The following SHTN1 variants were observed in gnomAD, a reference collection of about 807,000 sequenced individuals.
The protein encoded by SHTN1 is shootin 1.
A neutral mutation model predicts 83.1 loss-of-function variants in SHTN1; 42 were observed. The ratio of observed to expected loss-of-function variants is 0.51; its 90% CI spans 0.39 to 0.65. SHTN1 has a LOEUF of 0.65. SHTN1 is among the 30% of genes least tolerant of loss of function. The pLI is 0.00. For synonymous variants in SHTN1, 224 were observed against 247.7 expected (o/e 0.90, Z 0.90); for missense variants, 622 against 737.8 (o/e 0.84, Z 1.82).
At chr10:116,906,878 T>C (rs1847990511) in intron 14 of SHTN1, 131 bp from the exon 15 acceptor site, 6 of 726,714 alleles carry the variant, frequency 8.3e-6, no homozygotes, top group Non-Finnish European at 1.2e-5. Context: ...ATTTGCTATA[T>C]ATTAATATTT....
At chr10:116,955,830 C>T (rs1035174632) in intron 4 of SHTN1, among the ~76,000 whole-genome samples, 1 of 152,190 alleles carries the variant, frequency 6.6e-6, no homozygotes, top group African/African-American at 2.4e-5. Context: ...AGACACAACC[C>T]TTTATCCTCA....
At chr10:116,920,733 C>A (rs1393420097) in intron 12 of SHTN1, among the ~76,000 whole-genome samples, 1 of 152,118 alleles carries the variant, frequency 6.6e-6, no homozygotes, top group African/African-American at 2.4e-5. Flanking sequence ...TATTAGACCT[C>A]CTCTCTTGGA....
chr10:116,927,434 G>A (rs1057238662), intron 11 of SHTN1, among the ~76,000 whole-genome samples: 2 of 152,130 alleles, frequency 1.3e-5, no homozygotes, highest in African/African-American at 4.8e-5. Context: ...CACAATCATG[G>A]CGGAAGGCAA....
intron 1 of SHTN1, among the ~76,000 whole-genome samples, chr10:117,070,277 G>A (rs1255407151): frequency 2.0e-5 from 3 of 152,072 alleles, no homozygotes; most frequent in Non-Finnish European, 2.9e-5. Context: ...GTGGAGTGGG[G>A]AGTTCTTGTT....
intron 1 of SHTN1, among the ~76,000 whole-genome samples, chr10:117,087,258 T>C (rs772768315): frequency 6.6e-5 from 10 of 152,222 alleles, no homozygotes; most frequent in Non-Finnish European, 1.0e-4. Flanking sequence ...ACTTTAAAAA[T>C]GGTTGAAATG....
intron 1 of SHTN1, among the ~76,000 whole-genome samples, chr10:117,122,124 A>T (rs1564966159): frequency 3.3e-5 from 5 of 152,174 alleles, no homozygotes; most frequent in African/African-American, 1.2e-4. Flanking sequence ...TATGTAAATA[A>T]TTGTTGTACT....
intron 8 of SHTN1, among the ~76,000 whole-genome samples, chr10:116,944,358 C>T (rs962573762): frequency 6.6e-5 from 10 of 152,090 alleles, no homozygotes; most frequent in African/African-American, 2.4e-4. Context: ...GTATTATTGT[C>T]CATTTTACAG....
intron 1 of SHTN1, among the ~76,000 whole-genome samples, chr10:116,987,203 TAAAAC>T (rs1408368066): frequency 3.3e-5 from 5 of 151,826 alleles, no homozygotes; most frequent in Admixed American, 1.3e-4. Flanking sequence ...AAGAGGTAAA[TAAAAC>T]AAAACTGAGA....
intron 1 of SHTN1, among the ~76,000 whole-genome samples, chr10:117,049,963 G>C (rs921930513): frequency 6.6e-6 from 1 of 152,060 alleles, no homozygotes; most frequent in African/African-American, 2.4e-5. Context: ...AATAGAAAAA[G>C]AAGGGCAAAT....
At chr10:116,990,423 G>A (rs2133510416) in intron 1 of SHTN1, among the ~76,000 whole-genome samples, 1 of 151,702 alleles carries the variant, frequency 6.6e-6, no homozygotes, top group Non-Finnish European at 1.5e-5. Flanking sequence ...TTCTCCCAGG[G>A]GGCACGAATT....
intron 9 of SHTN1, 69 bp from the exon 10 acceptor site, chr10:116,930,071 G>A (rs952211825): frequency 4.0e-5 from 43 of 1,080,332 alleles, no homozygotes; most frequent in Non-Finnish European, 5.4e-5. Flanking sequence ...AAAAGAAAGG[G>A]AAAAAATAAA....
intron 7 of SHTN1, among the ~76,000 whole-genome samples, chr10:116,946,398 TA>T (rs1322781644): frequency 2.7e-5 from 4 of 146,730 alleles, no homozygotes; most frequent in African/African-American, 9.9e-5. Flanking sequence ...TTTTTATGTA[TA>T]AAAATATATG....
intron 3 of SHTN1, among the ~76,000 whole-genome samples, chr10:116,967,999 T>C (rs1850461374): frequency 6.6e-6 from 1 of 152,096 alleles, no homozygotes; most frequent in Admixed American, 6.6e-5. Flanking sequence ...CTGGCCAATA[T>C]GGTGAAACCC....
At chr10:116,998,909 CAT>C (rs201858115) in intron 1 of SHTN1, among the ~76,000 whole-genome samples, 3 of 151,858 alleles carry the variant, frequency 2.0e-5, no homozygotes, top group African/African-American at 2.4e-5. Flanking sequence ...TATATACCAA[CAT>C]ATATATATAT....
chr10:116,927,860 A>G lies in SHTN1; in HGVS notation c.1044T>C (p.Ser348=), dbSNP rs754273014. 6 of 1,612,228 alleles carry G rather than the reference A, an allele frequency of 3.7e-6. No individual in the cohort carries two copies. The highest frequency in any genetic ancestry group is 5.1e-6 in the Non-Finnish European group (6 of 1,179,250). ...VDELQKRVNQ[S]ENSVPPPPPP... ...GAGGTGGTGGAGGTACTGAATTCTC[A>G]GACTGGTTCACTCGTTTCTGGAGTT... The change falls in exon 11 of 17, where the codon TCT becomes TCC. Residue 348 remains serine (S), a synonymous_variant. Coordinates refer to ENST00000355371, the MANE Select transcript of SHTN1 (RefSeq NM_001127211.3).
intron 1 of SHTN1, among the ~76,000 whole-genome samples, chr10:116,992,711 G>A (rs1484089674): frequency 6.6e-6 from 1 of 152,104 alleles, no homozygotes; most frequent in Non-Finnish European, 1.5e-5. Context: ...AAAAAAGAGA[G>A]GAAAGAGAAG....
chr10:117,006,515 G>C (rs975211828), upstream of SHTN1, among the ~76,000 whole-genome samples: 2 of 145,690 alleles, frequency 1.4e-5, no homozygotes, highest in Non-Finnish European at 3.0e-5. Flanking sequence ...GCAGTGAGCC[G>C]AGATCGCGCC....
At chr10:117,055,160 C>T (rs576562999) in intron 1 of SHTN1, among the ~76,000 whole-genome samples, 3 of 152,312 alleles carry the variant, frequency 2.0e-5, no homozygotes, top group Admixed American at 1.3e-4. Context: ...AACTCACTCA[C>T]TATCATGAGA....
chr10:116,957,628 G>A (rs2133435323), intron 4 of SHTN1, among the ~76,000 whole-genome samples: 1 of 152,070 alleles, frequency 6.6e-6, no homozygotes, highest in East Asian at 1.9e-4. Context: ...TTTTTATATT[G>A]TCCAGTTTAG....
Sources: gnomAD v4.1 joint callset for allele counts (sites outside exome capture counted in the v4.1 genomes callset) on GRCh38, gnomAD v4.1.1 for gene constraint, MANE v1.5 for transcripts, NCBI Gene and HGNC (gene_info 2026-07-23, HGNC 2026-07-21) for gene names.